Variants in DIPK2B observed in about 807,000 individuals in gnomAD.
The protein encoded by DIPK2B is UPF0672 protein CXorf36.
A neutral mutation model predicts 22.2 loss-of-function variants in DIPK2B; 15 were observed. The ratio of observed to expected loss-of-function variants is 0.68; its 90% CI spans 0.45 to 1.04. The LOEUF is 1.04. DIPK2B is among the 50% of genes least tolerant of loss of function. The pLI is 0.00. For missense variants in DIPK2B, 345 were observed against 348.3 expected (o/e 0.99, Z 0.08); for synonymous variants, 163 against 153.2 (o/e 1.06, Z -0.47).
At chrX:45,196,184 A>T (rs1484737175) in intron 1 of DIPK2B, among the ~76,000 whole-genome samples, 1 of 111,672 alleles carries the variant, frequency 9.0e-6, no homozygotes, top group African/African-American at 3.3e-5. Context: ...TTAGATGTAT[A>T]GATAGATAAG....
chrX:45,182,134 T>C (rs770780055), intron 2 of DIPK2B, among the ~76,000 whole-genome samples: 3 of 109,136 alleles, frequency 2.7e-5, no homozygotes, highest in South Asian at 3.9e-4. Flanking sequence ...TGGATGAAGA[T>C]ATTTGTAATA....
At chrX:45,153,776 G>A in intron 4 of DIPK2B, 134 bp downstream of exon 4, 1 of 495,610 alleles carries the variant, frequency 2.0e-6, no homozygotes, top group Non-Finnish European at 3.3e-6. Flanking sequence ...AATATTCTCC[G>A]AACTTGAGTG....
chrX:45,154,297 ATCTATCTATCTATCTATCTATCTG>A (rs1248167020), intron 3 of DIPK2B, 99 bp from the exon 4 acceptor site: 8 of 619,877 alleles, frequency 1.3e-5, no homozygotes, highest in South Asian at 6.1e-5. Flanking sequence ...CTATCTATCT[ATCTATCTATCTATCTATCTATCTG>A]TCTATCTATA....
At chrX:45,176,266 C>T (rs773475034) in intron 2 of DIPK2B, among the ~76,000 whole-genome samples, 28 of 102,659 alleles carry the variant, frequency 2.7e-4, no homozygotes, top group Non-Finnish European at 4.1e-4. Context: ...AAGTGAGCCT[C>T]ATGAGTTTCC....
At chrX:45,162,770 G>T (rs2047028624) in intron 2 of DIPK2B, 5 of 752,417 alleles carry the variant, frequency 6.6e-6, no homozygotes, top group Non-Finnish European at 7.8e-6. Context: ...TCCCGTGCCT[G>T]GTTTCCTCAT....
rs770033921 is a variant in DIPK2B at position 45,172,521 on chromosome X, A to G, written c.499-14633T>C. Among the ~76,000 whole-genome samples, 12 of 111,107 alleles carry G rather than the reference A, an allele frequency of 1.1e-4. No homozygotes were observed. The South Asian group carries it at 4.6e-3, about 43-fold the overall frequency. ...ACCCCTCTGGTGGAGGTGGTAGCTA[A>G]CTTTCCCTTCCTATTAAAGACTCTT... On this transcript the variant is annotated intron_variant, in intron 2 of 4. Coordinates refer to ENST00000398000, the MANE Select transcript of DIPK2B (RefSeq NM_176819.4).
At chrX:45,173,021 G>T (rs1316221666) in intron 2 of DIPK2B, among the ~76,000 whole-genome samples, 2 of 111,588 alleles carry the variant, frequency 1.8e-5, no homozygotes, top group African/African-American at 6.5e-5. Context: ...GGCGCTGCCA[G>T]GCTTCTAGTT....
chrX:45,197,742 G>T (rs2047247165), intron 1 of DIPK2B, among the ~76,000 whole-genome samples: 2 of 111,868 alleles, frequency 1.8e-5, no homozygotes, highest in African/African-American at 6.5e-5. Flanking sequence ...AAGTGTGCAA[G>T]AAGTGAGCTT....
intron 3 of DIPK2B, among the ~76,000 whole-genome samples, chrX:45,154,957 G>A (rs911147080): frequency 1.4e-4 from 16 of 111,634 alleles, no homozygotes; most frequent in Non-Finnish European, 2.4e-4. Context: ...CTTCAGGCAC[G>A]TGCCACCATG....
At chrX:45,163,871 T>A (rs1479959377) in intron 2 of DIPK2B, 1 of 845,112 alleles carries the variant, frequency 1.2e-6, no homozygotes, top group African/African-American at 2.1e-5. Flanking sequence ...AGACTGAGAA[T>A]CTTGCCAGAA....
At chrX:45,179,247 T>C (rs755355016) in intron 2 of DIPK2B, among the ~76,000 whole-genome samples, 1 of 111,375 alleles carries the variant, frequency 9.0e-6, no homozygotes, top group East Asian at 2.8e-4. Flanking sequence ...ATCCAGGCTT[T>C]AAGTGATTTG....
At chrX:45,193,169 G>A (rs1158939520) in intron 1 of DIPK2B, among the ~76,000 whole-genome samples, 1 of 112,436 alleles carries the variant, frequency 8.9e-6, no homozygotes, top group Non-Finnish European at 1.9e-5. Flanking sequence ...TGATATTTCC[G>A]TTAGGGAAGA....
chrX:45,154,166 G>A lies in DIPK2B; in HGVS notation c.705C>T (p.Pro235=). ...ATCTGCCACAGGAGCCCAGGTACTT[G>A]GGCAGCGGCCATCCCTCAGCCCCAG... ...IFPGAEGWPL[P]KYLGSCGRFL... is the part of the protein sequence containing the mutation. The change falls in exon 4 of 5, where the codon CCC becomes CCT. Residue 235 remains proline, a synonymous_variant. Transcript: ENST00000398000. The A allele has an allele frequency of 1.7e-6, 2 of 1,207,780 alleles. No individual in the cohort carries two copies. The highest frequency in any genetic ancestry group is 2.2e-6 in the Non-Finnish European group (2 of 894,019).
chrX:45,157,874 C>A lies in DIPK2B; in HGVS notation c.513G>T (p.Pro171=), dbSNP rs777536372. The A allele has an allele frequency of 9.8e-6, 11 of 1,124,600 alleles. No homozygotes were observed. In the South Asian group the frequency reaches 2.2e-4, roughly 22 times the overall value. The allele number at this position is 1,124,600 out of a possible 1,213,427, so 92.7% of individuals were successfully genotyped here. Reference sequence around the variant, plus strand: ...GTCGCTGCGAAGGGCAGCGCAGGAGCGGGCTGGCCAGGCCCTACGCGCAGG... The same window carrying A: ...GTCGCTGCGAAGGGCAGCGCAGGAGAGGGCTGGCCAGGCCCTACGCGCAGG... The part of the protein sequence containing the change: ...TPDLVQGLAS[P]LLRCPSQRLL... The change falls in exon 3 of 5, where the codon CCG becomes CCT. Residue 171 remains proline (P), a synonymous_variant. Transcript: ENST00000398000.
At position 45,157,724 on chromosome X, in the gene DIPK2B, G is replaced by A. The variant is rs1376458558; in HGVS notation, c.663C>T (p.Ile221=). Reference sequence around the variant, plus strand: ...CCAGGTCGCTGCATACCTGTAGGAGGATGGGGTGCGAGTTGACAGCCAGCG... The same window carrying A: ...CCAGGTCGCTGCATACCTGTAGGAGAATGGGGTGCGAGTTGACAGCCAGCG... ...LYTLAVNSHP[I]LLQIFPGAEG... is the part of the protein sequence containing the mutation. The change falls in exon 3 of 5, where the codon ATC becomes ATT. Residue 221 remains isoleucine, a synonymous_variant. Coordinates refer to ENST00000398000, the MANE Select transcript of DIPK2B (RefSeq NM_176819.4). The A allele has an allele frequency of 8.4e-7, 1 of 1,193,877 alleles. No homozygotes were observed. Among genetic ancestry groups the A allele is most frequent in the South Asian group, 1.8e-5 (1 of 54,314 alleles).
rs2046979218 is a variant in DIPK2B at position 45,154,299 on chromosome X, CTATCT to C, written c.673-106_673-102del. On this transcript the variant is annotated intron_variant, in intron 3 of 4. Transcript: ENST00000398000. Reference sequence around the variant, plus strand: ...TCTCCCTATCTATCTATCTATCTATCTATCTATCTATCTATCTATCTGTCTATCTA... The same window carrying C: ...TCTCCCTATCTATCTATCTATCTATCATCTATCTATCTATCTGTCTATCTA... 7.9e-6 allele frequency: 5 copies of C among 634,267 alleles called. No homozygotes were observed. In the Admixed American group the frequency reaches 1.6e-4, roughly 20 times the overall value. 52.3% of individuals were successfully genotyped at this position (634,267 alleles called of 1,213,427 possible). A position where few individuals can be genotyped will look rare whatever the true frequency, so the allele number is the denominator to read the frequency against.
chrX:45,153,904 G>A lies in DIPK2B; in HGVS notation c.961+6C>T. ...ACAGCTGCTCAGCCAGGCCCATGCT[G>A]AGTACCTTCCTGCTTGTCGATGACG... On this transcript the variant is annotated splice_donor_region_variant and intron_variant, in intron 4 of 4. Transcript: ENST00000398000. 1 of 1,206,601 alleles carries A rather than the reference G, an allele frequency of 8.3e-7. No individual in the cohort carries two copies. The highest frequency in any genetic ancestry group is 1.1e-6 in the Non-Finnish European group (1 of 892,229).
chrX:45,164,247 G>A, intron 2 of DIPK2B: 1 of 1,197,968 alleles, frequency 8.3e-7, no homozygotes. Context: ...CCTGGTGACA[G>A]TCCTGAAAAT....
Position 45,154,143 on chromosome X carries a change from C to T in DIPK2B, c.728G>A (p.Arg243Lys). The T allele has an allele frequency of 8.3e-7, 1 of 1,210,740 alleles. No individual in the cohort carries two copies. The highest frequency in any genetic ancestry group is 1.1e-6 in the Non-Finnish European group (1 of 895,196). Residue 243 changes from arginine (R) to lysine (K), a missense_variant, in exon 4 of 5, where the codon AGA becomes AAA. Coordinates refer to ENST00000398000, the MANE Select transcript of DIPK2B (RefSeq NM_176819.4). ...PLPKYLGSCG[R>K]FLVSTSTRPL... Reference sequence around the variant, plus strand: ...TCTGGTGCTGGTGCTGACGAGGAATCTGCCACAGGAGCCCAGGTACTTGGG... The same window carrying T: ...TCTGGTGCTGGTGCTGACGAGGAATTTGCCACAGGAGCCCAGGTACTTGGG...
Sources: gnomAD v4.1 joint callset for allele counts (sites outside exome capture counted in the v4.1 genomes callset) on GRCh38, gnomAD v4.1.1 for gene constraint, MANE v1.5 for transcripts, NCBI Gene and HGNC (gene_info 2026-07-23, HGNC 2026-07-21) for gene names.